EYA1: variants seen among roughly 807,000 people sequenced by gnomAD.
The protein encoded by EYA1 is protein phosphatase EYA1.
Under a neutral mutation model 82.0 loss-of-function variants are expected in EYA1, and 16 were observed. That is an observed-to-expected ratio of 0.20 (90% CI 0.13 to 0.30). The LOEUF is 0.30. EYA1 is among the 10% of genes least tolerant of loss of function. The pLI is 1.00. For missense variants in EYA1, 633 were observed against 730.7 expected, an observed-to-expected ratio of 0.87 and a Z score of 1.54; for synonymous variants, 261 against 264.4, an observed-to-expected ratio of 0.99 and a Z score of 0.12.
chr8:71,482,874 G>A (rs1176802867), intron 2 of EYA1, among the ~76,000 whole-genome samples: 1 of 152,140 alleles, frequency 6.6e-6, no homozygotes, highest in Admixed American at 6.5e-5. Flanking sequence ...ACCTTTGTGG[G>A]TATCAGCTGA....
At chr8:71,411,307 GAC>G (rs1830575442) in intron 2 of EYA1, among the ~76,000 whole-genome samples, 1 of 32,348 alleles carries the variant, frequency 3.1e-5, no homozygotes, top group Admixed American at 3.2e-4. Context: ...TACCATTCAG[GAC>G]ATAGGCGTGG....
At position 71,299,135 on chromosome 8, in the gene EYA1, G is replaced by A. The variant is rs749633085; in HGVS notation, c.738C>T (p.Ser246=). ...TGGCATTGGTGGATGGTGTCGTTGG[G>A]CTGGTGTTGCTGCTGGTCATATAAT... The part of the protein sequence containing the change: ...PAHYMTSSNT[S]PTTPSTNATY... Residue 246 remains serine, a synonymous_variant, in exon 9 of 18, where the codon AGC becomes AGT. Coordinates refer to ENST00000340726, the MANE Select transcript of EYA1 (RefSeq NM_000503.6). 6.2e-7 allele frequency: 1 copy of A among 1,614,134 alleles called. No homozygotes were observed. Among genetic ancestry groups the A allele is most frequent in the South Asian group, 1.1e-5 (1 of 91,086 alleles).
chr8:71,280,391 T>C (rs1817680165), intron 9 of EYA1, among the ~76,000 whole-genome samples: 1 of 152,188 alleles, frequency 6.6e-6, no homozygotes, highest in Admixed American at 6.5e-5. Flanking sequence ...TTTCTCTGAC[T>C]TAAAGTGACC....
upstream of EYA1, among the ~76,000 whole-genome samples, chr8:71,366,102 T>G (rs1388689902): frequency 6.6e-6 from 1 of 152,088 alleles, no homozygotes; most frequent in African/African-American, 2.4e-5. Context: ...TTTATTTATG[T>G]AGGGTGTGAA....
chr8:71,314,357 T>C (rs56799965), intron 7 of EYA1, among the ~76,000 whole-genome samples: 7,485 of 152,138 alleles, frequency 0.049, 623 homozygotes, highest in African/African-American at 0.17. Context: ...AATCTGGCCA[T>C]ATACATTCTG....
intron 11 of EYA1, among the ~76,000 whole-genome samples, chr8:71,250,247 T>C (rs927515550): frequency 6.6e-6 from 1 of 152,226 alleles, no homozygotes; most frequent in African/African-American, 2.4e-5. Context: ...TTTCAAACTG[T>C]TGTCTTGATC....
intron 12 of EYA1, among the ~76,000 whole-genome samples, chr8:71,222,507 C>T (rs1810053438): frequency 6.6e-6 from 1 of 152,162 alleles, no homozygotes; most frequent in Admixed American, 6.5e-5. Context: ...ACCAAAGCAC[C>T]ACATCTTGGC....
In EYA1 at chr8:71,271,834, C is replaced by T. The variant is rs148647933; in HGVS notation, c.890G>A (p.Arg297Gln). The T allele has an allele frequency of 7.5e-5, 121 of 1,614,098 alleles. No individual in the cohort carries two copies. The East Asian group carries it at 8.9e-4, about 12-fold the overall frequency. ...IKDSDSDRLR[R>Q]GSDGKSRGRG... is the part of the protein sequence containing the mutation. ...TCCACGTGATTTCCCATCTGAACCTCGACGCAATCGATCAGAATCTGAATC... is the reference window on the plus strand; with the variant it reads ...TCCACGTGATTTCCCATCTGAACCTTGACGCAATCGATCAGAATCTGAATC... Residue 297 changes from arginine (R) to glutamine (Q), a missense_variant, in exon 10 of 18, where the codon CGA (arginine) becomes CAA (glutamine). Transcript: ENST00000340726.
At chr8:71,257,899 T>A (rs1814630221) in intron 11 of EYA1, among the ~76,000 whole-genome samples, 1 of 152,210 alleles carries the variant, frequency 6.6e-6, no homozygotes, top group African/African-American at 2.4e-5. Context: ...TCCTGATTTT[T>A]TTTTTTCTGA....
chr8:71,447,608 G>C, intron 2 of EYA1, among the ~76,000 whole-genome samples: 1 of 152,074 alleles, frequency 6.6e-6, no homozygotes, highest in Non-Finnish European at 1.5e-5. Context: ...GCATATTTCA[G>C]AAATAGTGAA....
At chr8:71,324,537 C>G (rs1004182737) in intron 4 of EYA1, among the ~76,000 whole-genome samples, 5 of 152,198 alleles carry the variant, frequency 3.3e-5, no homozygotes, top group African/African-American at 1.2e-4. Flanking sequence ...TTTTACCCCA[C>G]ACTTGTCTTT....
intron 3 of EYA1, among the ~76,000 whole-genome samples, chr8:71,353,420 A>T (rs747570974): frequency 6.6e-6 from 1 of 152,248 alleles, no homozygotes; most frequent in Non-Finnish European, 1.5e-5. Context: ...ATTGCCTATC[A>T]AAATGGGAAG....
chr8:71,230,695 G>A (rs547733797), intron 12 of EYA1, among the ~76,000 whole-genome samples: 27 of 152,182 alleles, frequency 1.8e-4, no homozygotes, highest in Non-Finnish European at 3.7e-4. Flanking sequence ...AGAAACTATG[G>A]CGAAACTAGG....
intron 2 of EYA1, among the ~76,000 whole-genome samples, chr8:71,400,511 T>C (rs924764915): frequency 3.3e-5 from 5 of 150,164 alleles, no homozygotes; most frequent in African/African-American, 7.3e-5. Context: ...AAGCAAACAT[T>C]TATGCAGCCA....
At chr8:71,316,498 ACAG>A (rs1821942963) in intron 7 of EYA1, among the ~76,000 whole-genome samples, 1 of 152,188 alleles carries the variant, frequency 6.6e-6, no homozygotes, top group African/African-American at 2.4e-5. Context: ...GTTACTAAAA[ACAG>A]CAGGCTGCAA....
intron 9 of EYA1, among the ~76,000 whole-genome samples, chr8:71,272,906 T>C (rs945602701): frequency 6.6e-6 from 1 of 152,200 alleles, no homozygotes; most frequent in Non-Finnish European, 1.5e-5. Context: ...AAGGTTGGTC[T>C]ATTTCACTAA....
At chr8:71,290,673 G>A (rs1203235248) in intron 9 of EYA1, among the ~76,000 whole-genome samples, 1 of 151,902 alleles carries the variant, frequency 6.6e-6, no homozygotes, top group African/African-American at 2.4e-5. Flanking sequence ...TTCTTTTCTT[G>A]GAAATACAGT....
chr8:71,330,716 G>A (rs1267882022), intron 4 of EYA1, among the ~76,000 whole-genome samples: 1 of 152,194 alleles, frequency 6.6e-6, no homozygotes, highest in Admixed American at 6.5e-5. Flanking sequence ...CTAATCCATT[G>A]ATGCTTGTAA....
intron 6 of EYA1, among the ~76,000 whole-genome samples, chr8:71,321,493 G>A (rs1270296547): frequency 6.6e-6 from 1 of 152,188 alleles, no homozygotes; most frequent in Non-Finnish European, 1.5e-5. Context: ...GATGTAAATC[G>A]AGAAAAATGA....
Sources: allele counts gnomAD v4.1 joint callset (sites outside exome capture counted in the v4.1 genomes callset), GRCh38; gene constraint gnomAD v4.1.1; transcripts MANE v1.5; gene names NCBI Gene and HGNC (gene_info 2026-07-23, HGNC 2026-07-21).